Variants in CACTIN observed in about 807,000 individuals in gnomAD.
The protein encoded by CACTIN is cactin, spliceosome C complex subunit.
In CACTIN, 20 loss-of-function variants were observed where a neutral mutation model predicts 84.9. The ratio of observed to expected loss-of-function variants is 0.24; its 90% CI spans 0.17 to 0.34. The LOEUF is 0.34. Ranked by LOEUF, CACTIN falls within the 10% of genes least tolerant of loss-of-function variation. CACTIN has a pLI of 1.00. For synonymous variants in CACTIN, 549 were observed against 467.9 expected (o/e 1.17, Z -2.24); for missense variants, 897 against 1,117.2 (o/e 0.80, Z 2.81).
intron 4 of CACTIN, among the ~76,000 whole-genome samples, chr19:3,619,915 G>A (rs955251083): frequency 2.6e-5 from 4 of 152,136 alleles, no homozygotes; most frequent in Non-Finnish European, 5.9e-5. Flanking sequence ...GTGGGGTGCC[G>A]TTCACCTGGG....
At position 3,624,079 on chromosome 19, in the gene CACTIN, C is replaced by T. The variant is rs1200078790; in HGVS notation, c.251G>A (p.Gly84Glu). 5.0e-6 allele frequency: 8 copies of T among 1,601,014 alleles called. No individual in the cohort carries two copies. In the Admixed American group the frequency reaches 6.7e-5, roughly 13 times the overall value. ...PPRPKWHSRD[G>E]SSQSDSGEEQ... is the part of the protein sequence containing the mutation. ...CTCTCCTGAGTCCGACTGAGAGGAC[C>T]CATCTCTTGAGTGCCACTTGGGCCG... Residue 84 changes from glycine to glutamate, a missense_variant, in exon 2 of 10, where the codon GGG (glycine) becomes GAG (glutamate). Coordinates refer to ENST00000429344, the MANE Select transcript of CACTIN (RefSeq NM_001080543.2).
chr19:3,612,976 C>T lies in CACTIN; in HGVS notation c.1786+82G>A, dbSNP rs937027722. Reference sequence around the variant, plus strand: ...AGCTCCCCACTGACGCCAGCGGCTTCGGCCGGGAAATGAGGCTGGAGAAGC... The same window carrying T: ...AGCTCCCCACTGACGCCAGCGGCTTTGGCCGGGAAATGAGGCTGGAGAAGC... On this transcript the variant is annotated intron_variant, in intron 9 of 9. Coordinates refer to ENST00000429344, the MANE Select transcript of CACTIN (RefSeq NM_001080543.2). 1.8e-5 allele frequency: 26 copies of T among 1,479,578 alleles called. No homozygotes were observed. In the African/African-American group the frequency reaches 3.1e-4, roughly 17 times the overall value. 91.7% of individuals were successfully genotyped at this position (1,479,578 alleles called of 1,614,324 possible).
intron 6 of CACTIN, among the ~76,000 whole-genome samples, chr19:3,617,266 G>A (rs1349067298): frequency 6.6e-6 from 1 of 152,244 alleles, no homozygotes; most frequent in East Asian, 1.9e-4. Flanking sequence ...GCGACAGAGC[G>A]AGACCTTGTC....
chr19:3,624,063 G>T lies in CACTIN; in HGVS notation c.267C>A (p.Asp89Glu). 2 of 1,603,806 alleles carry T rather than the reference G, an allele frequency of 1.2e-6. No homozygotes were observed. The change falls in exon 2 of 10, where the codon GAC (aspartate) becomes GAA (glutamate). Residue 89 changes from aspartate to glutamate, a missense_variant. Asp to Glu is a conservative substitution (Grantham distance 45). Around this residue, in one of 8 missense-constraint regions of CACTIN, gnomAD observed 261 missense variants for 243.8 expected, o/e 1.07. Coordinates refer to ENST00000429344, the MANE Select transcript of CACTIN (RefSeq NM_001080543.2). ...GGCCCCGTGACTGCTCCTCTCCTGA[G>T]TCCGACTGAGAGGACCCATCTCTTG... ...WHSRDGSSQS[D>E]SGEEQSRGQW...
chr19:3,617,560 G>A (rs971776175), intron 6 of CACTIN, among the ~76,000 whole-genome samples: 7 of 152,124 alleles, frequency 4.6e-5, no homozygotes, highest in Non-Finnish European at 8.8e-5. Flanking sequence ...AGTGGGGCAC[G>A]CTGGAAACGC....
chr19:3,612,963 ACG>A, intron 9 of CACTIN, 93 bp downstream of exon 9: 1 of 1,429,096 alleles, frequency 7.0e-7, no homozygotes, highest in Non-Finnish European at 9.5e-7. Flanking sequence ...CTCCCCACTG[ACG>A]CCAGCGGCTT....
intron 4 of CACTIN, 117 bp from the exon 5 acceptor site, chr19:3,619,359 G>T: frequency 7.8e-7 from 1 of 1,278,324 alleles, no homozygotes; most frequent in Non-Finnish European, 1.1e-6. Flanking sequence ...CCCGTTGGGG[G>T]TGGTCAGGGA....
rs571250122 is a variant in CACTIN, at chr19:3,618,866, C to T, written c.1162+9G>A. 10 of 1,546,340 alleles carry T rather than the reference C, an allele frequency of 6.5e-6. No homozygotes were observed. The highest frequency in any genetic ancestry group is 3.9e-5 in the Admixed American group (2 of 50,962). On this transcript the variant is annotated intron_variant, in intron 6 of 9. Coordinates refer to ENST00000429344, the MANE Select transcript of CACTIN (RefSeq NM_001080543.2). ...CTCCCCTGGAGCCCAGGCCCATGCC[C>T]GCCGTTACCTGGCCCCTTGCCCGAG...
At chr19:3,624,944 T>C (rs774480294) in intron 1 of CACTIN, among the ~76,000 whole-genome samples, 1 of 149,736 alleles carries the variant, frequency 6.7e-6, no homozygotes, top group Non-Finnish European at 1.5e-5. Flanking sequence ...TCACACAGGC[T>C]GGAGTGCATG....
intron 6 of CACTIN, among the ~76,000 whole-genome samples, chr19:3,617,118 T>C (rs376256189): frequency 2.2e-3 from 8 of 3,636 alleles, no homozygotes; most frequent in African/African-American, 0.011. Context: ...AGACTCCTTC[T>C]CAAAAAATAA....
chr19:3,613,121 C>G lies in CACTIN; in HGVS notation c.1723G>C (p.Val575Leu). 6.2e-7 allele frequency: 1 copy of G among 1,605,936 alleles called. No homozygotes were observed. Among genetic ancestry groups the G allele is most frequent in the Non-Finnish European group, 8.5e-7 (1 of 1,178,582 alleles). ...TAHELPLDAH[V>L]LEPDEDLQRL... is the part of the protein sequence containing the mutation. The stretch of plus-strand genomic sequence containing the variant: ...TGCAGGTCCTCATCCGGTTCCAGCA[C>G]GTGCGCGTCCAGTGGCAGCTCGTGC... Residue 575 changes from valine (V) to leucine (L), a missense_variant, in exon 9 of 10, where the codon GTG becomes CTG. By Grantham distance (32) the Val-to-Leu change is conservative. Around this residue, in one of 8 missense-constraint regions of CACTIN, gnomAD observed 243 missense variants for 239.9 expected, o/e 1.01. Coordinates refer to ENST00000429344, the MANE Select transcript of CACTIN (RefSeq NM_001080543.2).
At chr19:3,626,537 G>T in intron 1 of CACTIN, 59 bp downstream of exon 1, 1 of 1,301,972 alleles carries the variant, frequency 7.7e-7, no homozygotes. Flanking sequence ...TCCAACCCTC[G>T]GTCGGGCGCT....
At chr19:3,614,727 A>C (rs1599885690) in intron 6 of CACTIN, 138 bp from the exon 7 acceptor site, 1 of 692,740 alleles carries the variant, frequency 1.4e-6, no homozygotes, top group Non-Finnish European at 2.5e-6. Flanking sequence ...CAGTCCCGCC[A>C]CCTCCCTGGT....
At chr19:3,614,681 C>T in intron 6 of CACTIN, 92 bp from the exon 7 acceptor site, 1 of 1,001,078 alleles carries the variant, frequency 1.0e-6, no homozygotes, top group African/African-American at 1.6e-5. Context: ...ATGGGGGGGT[C>T]CCCCTCCCCT....
At chr19:3,625,217 G>A (rs764911326) in intron 1 of CACTIN, among the ~76,000 whole-genome samples, 21 of 152,202 alleles carry the variant, frequency 1.4e-4, no homozygotes, top group Non-Finnish European at 2.4e-4. Context: ...TGTACACAGA[G>A]AACTGCCAAA....
At chr19:3,617,122 A>AAAAT (rs3040376) in intron 6 of CACTIN, among the ~76,000 whole-genome samples, 151,933 of 151,948 alleles carry the variant, frequency 1, 75,959 homozygotes, top group Middle Eastern at 1. Flanking sequence ...TCCTTCTCAA[A>AAAAT]AAATAAAATA....
At chr19:3,613,650 A>C in intron 7 of CACTIN, 64 bp from the exon 8 acceptor site, 1 of 1,543,342 alleles carries the variant, frequency 6.5e-7, no homozygotes, top group Non-Finnish European at 8.7e-7. Flanking sequence ...ACCCCCACCG[A>C]GATTCTCACG....
At position 3,612,730 on chromosome 19, in the gene CACTIN, GAGGGGGTCCTGGCCC is replaced by G. The variant is rs892653705; in HGVS notation, c.1786+313_1787-318del. The G allele has an allele frequency of 5.7e-6, 4 of 695,962 alleles. No individual in the cohort carries two copies. In the African/African-American group the frequency reaches 7.0e-5, roughly 12 times the overall value. The allele number at this position is 695,962 out of a possible 1,614,324, so 43.1% of individuals were successfully genotyped here. On this transcript the variant is annotated intron_variant, in intron 9 of 9. Coordinates refer to ENST00000429344, the MANE Select transcript of CACTIN (RefSeq NM_001080543.2). ...GGATCCAGCCCCACGCATGACCCCC[GAGGGGGTCCTGGCCC>G]AGGGGTTTTCTGAAGCCAGTATTTT...
chr19:3,622,092 A>G (rs2033236519), intron 2 of CACTIN, among the ~76,000 whole-genome samples: 1 of 152,202 alleles, frequency 6.6e-6, no homozygotes, highest in Non-Finnish European at 1.5e-5. Flanking sequence ...TTGGCCAGGT[A>G]TGGTGGCTGA....
Sources: gnomAD v4.1 joint callset for allele counts (sites outside exome capture counted in the v4.1 genomes callset) on GRCh38, gnomAD v4.1.1 for gene constraint, gnomAD v4.1.1 regional missense constraint, MANE v1.5 for transcripts, NCBI Gene and HGNC (gene_info 2026-07-23, HGNC 2026-07-21) for gene names.